EYA2: variants seen among roughly 807,000 people sequenced by gnomAD.
The protein encoded by EYA2 is EYA transcriptional coactivator and phosphatase 2.
Under a neutral mutation model 69.2 loss-of-function variants are expected in EYA2, and 31 were observed. The observed-to-expected ratio is 0.45, with a 90% CI of 0.34 to 0.60. EYA2 has a LOEUF of 0.60. EYA2 is among the 20% of genes least tolerant of loss of function. The pLI, the probability that EYA2 is intolerant of heterozygous loss-of-function variation, is 0.02. For synonymous variants in EYA2, 257 were observed against 279.4 expected, an observed-to-expected ratio of 0.92 and a Z score of 0.80; for missense variants, 622 against 701.2, an observed-to-expected ratio of 0.89 and a Z score of 1.28.
At chr20:47,161,420 G>T in intron 10 of EYA2, 1 of 420,930 alleles carries the variant, frequency 2.4e-6, no homozygotes, top group South Asian at 2.0e-5. Flanking sequence ...CCTCATCCTT[G>T]AGAGAAGCCC....
intron 5 of EYA2, among the ~76,000 whole-genome samples, chr20:47,065,553 AG>A (rs1388441744): frequency 1.3e-5 from 2 of 152,218 alleles, no homozygotes; most frequent in African/African-American, 2.4e-5. Context: ...AATGAAAAAA[AG>A]GTTGAGAAAC....
At chr20:47,158,820 T>C (rs942191976) in intron 10 of EYA2, among the ~76,000 whole-genome samples, 1 of 150,844 alleles carries the variant, frequency 6.6e-6, no homozygotes, top group Non-Finnish European at 1.5e-5. Flanking sequence ...TCCAGAAAGA[T>C]AAAAAGAACA....
rs531166481 is a variant in EYA2 at position 47,086,514 on chromosome 20, T to A, written c.662-2725T>A. Among the ~76,000 whole-genome samples, 8 of 148,760 alleles carry A rather than the reference T, an allele frequency of 5.4e-5. No homozygotes were observed. The South Asian group carries it at 1.7e-3, about 32-fold the overall frequency. On this transcript the variant is annotated intron_variant, in intron 7 of 15. Coordinates refer to ENST00000327619, the MANE Select transcript of EYA2 (RefSeq NM_005244.5). ...AAAAGGGAAGCAGGCACGTCTTACA[T>A]AGCCAGAGCAGGAAAAGGAGGGGGT...
intron 5 of EYA2, among the ~76,000 whole-genome samples, chr20:47,035,163 C>T (rs753672182): frequency 2.6e-5 from 4 of 152,180 alleles, no homozygotes; most frequent in Admixed American, 1.3e-4. Flanking sequence ...CCAAGAACTG[C>T]GTCCTGTCCC....
chr20:47,055,868 G>A (rs1236561388), intron 5 of EYA2, among the ~76,000 whole-genome samples: 2 of 151,746 alleles, frequency 1.3e-5, no homozygotes, highest in Admixed American at 6.6e-5. Flanking sequence ...TTTTCACCCC[G>A]CACTGCATTT....
chr20:47,069,331 T>C (rs2031226908), intron 5 of EYA2, among the ~76,000 whole-genome samples: 2 of 151,966 alleles, frequency 1.3e-5, no homozygotes, highest in South Asian at 4.2e-4. Flanking sequence ...CCATCTCTAC[T>C]AAAAATACAA....
rs375524511 is a variant in EYA2, at chr20:46,947,168, C to CT, written c.-10-42825dup. 2.1e-3 allele frequency among the ~76,000 whole-genome samples: 318 copies of CT among 152,066 alleles called. 7 individuals are homozygous for CT. The East Asian group carries it at 0.054, about 26-fold the overall frequency. On this transcript the variant is annotated intron_variant, in intron 1 of 15. Coordinates refer to ENST00000327619, the MANE Select transcript of EYA2 (RefSeq NM_005244.5). ...GAGGAATGGCTGGCTGAGAAGCAGA[C>CT]TTTTTTTTGCATGTACATGAAGAGC...
At chr20:46,987,916 G>GACTCACTCTCTCTCTCTCTC (rs56288405) in intron 1 of EYA2, among the ~76,000 whole-genome samples, 4 of 20,352 alleles carry the variant, frequency 2.0e-4, no homozygotes, top group Admixed American at 6.9e-4. Context: ...GACAGAGTAA[G>GACTCACTCTCTCTCTCTCTC]TCTCTCTCTC....
intron 1 of EYA2, among the ~76,000 whole-genome samples, chr20:46,966,072 G>T (rs6066138): frequency 1.3e-5 from 2 of 152,100 alleles, no homozygotes; most frequent in Non-Finnish European, 2.9e-5. Flanking sequence ...TTAAAATGCA[G>T]CATGAGTATA....
chr20:47,135,843 AAAC>A (rs1568800654), intron 9 of EYA2, among the ~76,000 whole-genome samples: 1 of 67,968 alleles, frequency 1.5e-5, no homozygotes, highest in Non-Finnish European at 2.5e-5. Flanking sequence ...AAAAAAAAAC[AAAC>A]AAACAAACAA....
intron 5 of EYA2, among the ~76,000 whole-genome samples, chr20:47,062,622 C>T (rs889094223): frequency 2.0e-5 from 3 of 152,156 alleles, no homozygotes; most frequent in African/African-American, 4.8e-5. Flanking sequence ...CACCCAGATT[C>T]TGAGCAGCTC....
At chr20:47,185,412 T>C (rs2034620845) in intron 15 of EYA2, among the ~76,000 whole-genome samples, 1 of 150,706 alleles carries the variant, frequency 6.6e-6, no homozygotes, top group African/African-American at 2.4e-5. Context: ...GCGATTCTTG[T>C]GCCTCAGCCT....
intron 10 of EYA2, among the ~76,000 whole-genome samples, chr20:47,146,521 C>T (rs909724276): frequency 3.9e-5 from 6 of 152,138 alleles, no homozygotes; most frequent in African/African-American, 9.7e-5. Flanking sequence ...AAATTTATTT[C>T]GAAAATGTCC....
chr20:47,152,384 C>CTTT (rs201890248), intron 10 of EYA2, among the ~76,000 whole-genome samples: 2 of 142,106 alleles, frequency 1.4e-5, no homozygotes, highest in African/African-American at 5.1e-5. Flanking sequence ...GGGAGTGTAC[C>CTTT]TTTTTTTTTT....
chr20:46,905,535 A>G (rs2146215985), intron 1 of EYA2, among the ~76,000 whole-genome samples: 1 of 152,352 alleles, frequency 6.6e-6, no homozygotes, highest in African/African-American at 2.4e-5. Context: ...AAAGTAACGT[A>G]AGTGGGTTGC....
In EYA2 at chr20:46,894,969, G is replaced by C. The variant is rs550561620; in HGVS notation, c.-29G>C. On this transcript the variant is annotated 5_prime_UTR_variant, in exon 1 of 16. Coordinates refer to ENST00000327619, the MANE Select transcript of EYA2 (RefSeq NM_005244.5). ...CCGCCCGCCCGCACCGCGTCGGGGC[G>C]CCCTCTCCACTGCGCGCGGTGAGTA... The C allele has an allele frequency of 6.6e-6, 1 of 151,520 alleles. No homozygotes were observed. Among genetic ancestry groups the C allele is most frequent in the African/African-American group, 2.4e-5 (1 of 41,338 alleles). 9.4% of individuals were successfully genotyped at this position (151,520 alleles called of 1,614,324 possible).
intron 5 of EYA2, among the ~76,000 whole-genome samples, chr20:47,056,664 C>A (rs1345553038): frequency 6.6e-6 from 1 of 152,164 alleles, no homozygotes; most frequent in African/African-American, 2.4e-5. Context: ...CAGGGAAAAT[C>A]ATGAGTTATA....
chr20:47,134,092 C>A (rs544012290), intron 9 of EYA2, among the ~76,000 whole-genome samples: 22 of 152,364 alleles, frequency 1.4e-4, no homozygotes, highest in African/African-American at 5.3e-4. Context: ...CCCTTTCCTG[C>A]ACAGCCAGCC....
At chr20:46,951,763 G>A (rs1471155412) in intron 1 of EYA2, among the ~76,000 whole-genome samples, 1 of 152,180 alleles carries the variant, frequency 6.6e-6, no homozygotes, top group Non-Finnish European at 1.5e-5. Flanking sequence ...AGGAGAGGAT[G>A]GGGGCGAGAG....
Sources: allele counts gnomAD v4.1 joint callset (sites outside exome capture counted in the v4.1 genomes callset), GRCh38; gene constraint gnomAD v4.1.1; transcripts MANE v1.5; gene names NCBI Gene and HGNC (gene_info 2026-07-23, HGNC 2026-07-21).